Variants in LPP observed in about 807,000 individuals in gnomAD.
LPP encodes the protein lipoma-preferred partner.
A neutral mutation model predicts 60.4 loss-of-function variants in LPP; 38 were observed. That is an observed-to-expected ratio of 0.63 (90% CI 0.49 to 0.83). The LOEUF is 0.83. Ranked by LOEUF, LPP falls within the 40% of genes least tolerant of loss-of-function variation. LPP has a pLI of 0.00. For missense variants in LPP, 902 were observed against 783.6 expected, an observed-to-expected ratio of 1.15 and a Z score of -1.80; for synonymous variants, 328 against 290.8, an observed-to-expected ratio of 1.13 and a Z score of -1.30.
intron 9 of LPP, among the ~76,000 whole-genome samples, chr3:188,827,229 G>A (rs1471913513): frequency 1.3e-5 from 2 of 152,182 alleles, no homozygotes; most frequent in African/African-American, 4.8e-5. Context: ...CACATAGTGA[G>A]TGATTAATAG....
At chr3:188,410,475 T>C (rs1474312568) in intron 4 of LPP, among the ~76,000 whole-genome samples, 2 of 152,204 alleles carry the variant, frequency 1.3e-5, no homozygotes, top group Admixed American at 1.3e-4. Flanking sequence ...TAATTTCTTT[T>C]ATAAGATATT....
intron 4 of LPP, among the ~76,000 whole-genome samples, chr3:188,449,240 A>G (rs980244438): frequency 1.3e-5 from 2 of 152,210 alleles, no homozygotes; most frequent in African/African-American, 4.8e-5. Context: ...AGCATGGTCA[A>G]TTCTTATTAA....
chr3:188,607,064 A>G (rs1346135175), intron 6 of LPP, among the ~76,000 whole-genome samples: 1 of 151,622 alleles, frequency 6.6e-6, no homozygotes, highest in Non-Finnish European at 1.5e-5. Flanking sequence ...CTAACTCCTT[A>G]AAAGTAACTT....
At chr3:188,518,256 A>G (rs78332855) in intron 5 of LPP, among the ~76,000 whole-genome samples, 2,117 of 152,330 alleles carry the variant, frequency 0.014, 28 homozygotes, top group Non-Finnish European at 0.022. Context: ...TCCCCCACTG[A>G]TATTAGAAAG....
At chr3:188,237,469 A>G (rs188467125) in intron 2 of LPP, among the ~76,000 whole-genome samples, 44 of 152,360 alleles carry the variant, frequency 2.9e-4, no homozygotes, top group Middle Eastern at 3.4e-3. Flanking sequence ...AGGAATCATT[A>G]TCTATGGCAG....
At chr3:188,377,105 G>A (rs1236682431) in intron 3 of LPP, among the ~76,000 whole-genome samples, 13 of 152,176 alleles carry the variant, frequency 8.5e-5, no homozygotes. Context: ...CCCTTTGTGG[G>A]TAACCTGACC....
At chr3:188,826,141 A>T (rs1413364258) in intron 9 of LPP, among the ~76,000 whole-genome samples, 1 of 152,180 alleles carries the variant, frequency 6.6e-6, no homozygotes, top group Non-Finnish European at 1.5e-5. Context: ...ACTGGAGAGG[A>T]CAGTCTACTT....
chr3:188,167,309 C>A (rs569828842), intron 1 of LPP, among the ~76,000 whole-genome samples: 1 of 152,248 alleles, frequency 6.6e-6, no homozygotes, highest in South Asian at 2.1e-4. Flanking sequence ...ACCAACCTAG[C>A]CAACAAAGCA....
At chr3:188,490,000 A>C (rs1047329281) in intron 5 of LPP, among the ~76,000 whole-genome samples, 1 of 152,166 alleles carries the variant, frequency 6.6e-6, no homozygotes, top group African/African-American at 2.4e-5. Context: ...CAGGCCCTCC[A>C]CATTAGAAAA....
At chr3:188,444,469 T>C (rs1794750824) in intron 4 of LPP, among the ~76,000 whole-genome samples, 1 of 152,144 alleles carries the variant, frequency 6.6e-6, no homozygotes, top group African/African-American at 2.4e-5. Flanking sequence ...ACTAGATTGT[T>C]CTTAGGATTT....
chr3:188,230,091 TC>T (rs1006123022), intron 2 of LPP, among the ~76,000 whole-genome samples: 5 of 151,300 alleles, frequency 3.3e-5, no homozygotes, highest in African/African-American at 4.9e-5. Flanking sequence ...AGAAACATAT[TC>T]TTTTTTTTTT....
chr3:188,309,228 C>T (rs535326162), intron 2 of LPP, among the ~76,000 whole-genome samples: 1 of 152,122 alleles, frequency 6.6e-6, no homozygotes, highest in Admixed American at 6.5e-5. Context: ...ACCATATTGG[C>T]CAGGCTGGTC....
chr3:188,533,871 A>G (rs1478463961), intron 6 of LPP, among the ~76,000 whole-genome samples: 2 of 152,212 alleles, frequency 1.3e-5, no homozygotes, highest in African/African-American at 4.8e-5. Context: ...TAGATGGTAT[A>G]TAATTGCATT....
intron 3 of LPP, among the ~76,000 whole-genome samples, chr3:188,384,021 A>G (rs1387837777): frequency 6.6e-6 from 1 of 152,170 alleles, no homozygotes; most frequent in Non-Finnish European, 1.5e-5. Flanking sequence ...TTAGAAAGAG[A>G]TAAGTATGGT....
chr3:188,455,981 C>G (rs764464000), intron 4 of LPP, among the ~76,000 whole-genome samples: 2 of 152,204 alleles, frequency 1.3e-5, no homozygotes, highest in African/African-American at 2.4e-5. Context: ...CACGCTCAAA[C>G]TCCTGATCTT....
At chr3:188,613,572 T>C (rs974723458) in intron 7 of LPP, among the ~76,000 whole-genome samples, 6 of 152,174 alleles carry the variant, frequency 3.9e-5, no homozygotes, top group Admixed American at 2.0e-4. Flanking sequence ...TCCCAATTAG[T>C]GTAGAGGTTA....
In LPP at chr3:188,618,010, T is replaced by G. The variant is rs928796814; in HGVS notation, c.1113+8166T>G. ...CTCTTCTTCACCAAACAAAGAAATT[T>G]GAACCATTATTGATAAATAATTTCT... On this transcript the variant is annotated intron_variant, in intron 7 of 11. Coordinates refer to ENST00000617246, the MANE Select transcript of LPP (RefSeq NM_001375462.1). 3.9e-5 allele frequency among the ~76,000 whole-genome samples: 6 copies of G among 152,230 alleles called. 1 individual carries two copies. The highest frequency in any genetic ancestry group is 3.9e-4 in the Admixed American group (6 of 15,278).
chr3:188,214,991 G>A (rs997885232), intron 1 of LPP, among the ~76,000 whole-genome samples: 2 of 152,068 alleles, frequency 1.3e-5, no homozygotes, highest in African/African-American at 4.8e-5. Context: ...TATAAAATTT[G>A]CCATCTTGAT....
intron 2 of LPP, among the ~76,000 whole-genome samples, chr3:188,247,391 A>G (rs550849684): frequency 2.0e-5 from 3 of 152,272 alleles, no homozygotes; most frequent in Admixed American, 6.5e-5. Context: ...GTCAAAACTA[A>G]TACTTGTGTA....
Sources: gnomAD v4.1 joint callset for allele counts (sites outside exome capture counted in the v4.1 genomes callset) on GRCh38, gnomAD v4.1.1 for gene constraint, MANE v1.5 for transcripts, NCBI Gene and HGNC (gene_info 2026-07-23, HGNC 2026-07-21) for gene names.